Variants in LEKR1 observed in about 807,000 individuals in gnomAD.
LEKR1 encodes leucine, glutamate and lysine rich 1.
A neutral mutation model predicts 72.4 loss-of-function variants in LEKR1; 59 were observed. That is an observed-to-expected ratio of 0.82 (90% CI 0.66 to 1.01). The LOEUF (loss-of-function observed/expected upper bound fraction) is 1.01, where lower values mean the gene tolerates loss of function less well. Ranked by LOEUF, LEKR1 falls within the 50% of genes least tolerant of loss-of-function variation. The pLI is 0.00. For missense variants in LEKR1, 728 were observed against 759.2 expected, an observed-to-expected ratio of 0.96 and a Z score of 0.48; for synonymous variants, 257 against 263.2, an observed-to-expected ratio of 0.98 and a Z score of 0.23.
At chr3:156,930,036 GGTT>G (rs1725063253) in intron 5 of LEKR1, among the ~76,000 whole-genome samples, 1 of 152,108 alleles carries the variant, frequency 6.6e-6, no homozygotes, top group Non-Finnish European at 1.5e-5. Flanking sequence ...AGTGAAGTGT[GGTT>G]TGGCAGAACA....
intron 2 of LEKR1, 94 bp from the exon 3 acceptor site, chr3:156,852,674 T>A: frequency 1.6e-6 from 1 of 628,822 alleles, no homozygotes; most frequent in Non-Finnish European, 2.7e-6. Context: ...TACTATGTAT[T>A]TACTTCATTC....
chr3:156,992,694 A>T lies in LEKR1; in HGVS notation c.869A>T (p.Lys290Ile). The T allele has an allele frequency of 9.6e-7, 1 of 1,042,236 alleles. No homozygotes were observed. Among genetic ancestry groups the T allele is most frequent in the Non-Finnish European group, 1.2e-6 (1 of 827,074 alleles). 64.6% of individuals were successfully genotyped at this position (1,042,236 alleles called of 1,614,324 possible). A position where few individuals can be genotyped will look rare whatever the true frequency, so the allele number is the denominator to read the frequency against. Residue 290 changes from lysine to isoleucine, a missense_variant, in exon 8 of 13, where the codon AAA (lysine) becomes ATA (isoleucine). Physicochemically the swap from Lys to Ile is moderately radical, Grantham distance 102. Coordinates refer to ENST00000356539, the MANE Select transcript of LEKR1 (RefSeq NM_001004316.3). ...NEADDCQREL[K>I]KLKFESIISE... is the part of the protein sequence containing the mutation. The stretch of plus-strand genomic sequence containing the variant: ...GCTGATGACTGTCAAAGAGAACTTA[A>T]AAAACTGAAGTTTGAATCCATTATT...
At chr3:156,899,369 T>C (rs535143758) in intron 3 of LEKR1, among the ~76,000 whole-genome samples, 1 of 125,604 alleles carries the variant, frequency 8.0e-6, no homozygotes, top group Non-Finnish European at 1.6e-5. Context: ...TATACATATA[T>C]ACATATATAC....
Position 157,002,793 on chromosome 3 carries a change from C to T in LEKR1, c.1110-8620C>T, listed in dbSNP as rs182847130. Among the ~76,000 whole-genome samples the T allele has an allele frequency of 1.6e-4, 24 of 152,258 alleles. No individual in the cohort carries two copies. In the South Asian group the frequency reaches 3.9e-3, roughly 25 times the overall value. On this transcript the variant is annotated intron_variant, in intron 9 of 12. Coordinates refer to ENST00000356539, the MANE Select transcript of LEKR1 (RefSeq NM_001004316.3). ...AGAACTTCATAATTCCTTGAAAATT[C>T]AGTGAATAATTATCACTTCATTAAC... is the stretch of plus-strand genomic sequence containing the variant.
rs114207482 is a variant in LEKR1, at chr3:157,042,144, G to C, written c.1669-3196G>C. 4.3e-3 allele frequency among the ~76,000 whole-genome samples: 648 copies of C among 151,422 alleles called. 2 individuals are homozygous for C. Among genetic ancestry groups the C allele is most frequent in the African/African-American group, 0.015 (623 of 40,780 alleles). On this transcript the variant is annotated intron_variant, in intron 12 of 12. Transcript: ENST00000356539. ...AGGTAATGGTGGCAGATGATATGAA[G>C]ATATTGTGAGGTTCACCTAACATTT...
intron 1 of LEKR1, among the ~76,000 whole-genome samples, chr3:156,827,368 C>T (rs1471880654): frequency 6.6e-6 from 1 of 152,094 alleles, no homozygotes; most frequent in East Asian, 1.9e-4. Flanking sequence ...TTGTAAACAC[C>T]TGTTTCGTTA....
At chr3:156,849,022 C>G (rs1452348807) in intron 2 of LEKR1, among the ~76,000 whole-genome samples, 1 of 150,374 alleles carries the variant, frequency 6.7e-6, no homozygotes, top group Non-Finnish European at 1.5e-5. Flanking sequence ...TGTCTCAGCC[C>G]AAAATCTCCT....
At chr3:156,988,464 C>A in intron 7 of LEKR1, 1 of 196,902 alleles carries the variant, frequency 5.1e-6, no homozygotes. Context: ...CCAGCTTCTC[C>A]CTTACCCACG....
At chr3:156,846,598 A>G (rs750588430) in intron 2 of LEKR1, among the ~76,000 whole-genome samples, 75 of 152,278 alleles carry the variant, frequency 4.9e-4, no homozygotes, top group Admixed American at 9.2e-4. Flanking sequence ...ATATTGCCCT[A>G]TCTCAAAAAC....
rs1320357970 is a variant in LEKR1, at chr3:156,826,362, C to T, written c.-59C>T. ...CCGGGAAAGCCGTTTCACACCCGTC[C>T]TAGTCGAAGTCGAGGTGAGGGACGA... On this transcript the variant is annotated 5_prime_UTR_variant, in exon 1 of 13. Transcript: ENST00000356539. The T allele has an allele frequency of 6.5e-6, 1 of 152,824 alleles. No individual in the cohort carries two copies. The highest frequency in any genetic ancestry group is 1.5e-5 in the Non-Finnish European group (1 of 68,160). 9.5% of individuals were successfully genotyped at this position (152,824 alleles called of 1,614,324 possible). A position where few individuals can be genotyped will look rare whatever the true frequency, so the allele number is the denominator to read the frequency against.
At chr3:156,866,641 G>A (rs1172628759) in intron 3 of LEKR1, among the ~76,000 whole-genome samples, 1 of 151,936 alleles carries the variant, frequency 6.6e-6, no homozygotes, top group Non-Finnish European at 1.5e-5. Flanking sequence ...TGCATGTAGT[G>A]CTTACATAAC....
rs1734352837 is a variant in LEKR1 at position 157,028,301 on chromosome 3, G to C, written c.1567G>C (p.Glu523Gln). 6.2e-7 allele frequency: 1 copy of C among 1,613,412 alleles called. No individual in the cohort carries two copies. The highest frequency in any genetic ancestry group is 1.3e-5 in the African/African-American group (1 of 74,918). The part of the protein sequence containing the change: ...KEIDSNDSVS[E>Q]NLRKEMEQKS... ...AATTGACAGTAATGATTCAGTTTCA[G>C]AAAACTTGAGGAAGGAAATGGAACA... Residue 523 changes from glutamate (E) to glutamine (Q), a missense_variant, in exon 12 of 13, where the codon GAA (glutamate) becomes CAA (glutamine). By Grantham distance (29) the Glu-to-Gln change is conservative. Transcript: ENST00000356539.
At chr3:157,041,010 T>G (rs1370311046) in intron 12 of LEKR1, among the ~76,000 whole-genome samples, 1 of 152,192 alleles carries the variant, frequency 6.6e-6, no homozygotes, top group East Asian at 1.9e-4. Flanking sequence ...ACTCTTATAT[T>G]GCAAGGAGTA....
chr3:156,919,833 C>T (rs998752388), intron 3 of LEKR1, among the ~76,000 whole-genome samples: 3 of 152,062 alleles, frequency 2.0e-5, no homozygotes, highest in Non-Finnish European at 4.4e-5. Flanking sequence ...CATCTTTTTC[C>T]TCATGTAAAT....
At chr3:156,865,602 TCC>T (rs1382113755) in intron 3 of LEKR1, among the ~76,000 whole-genome samples, 1 of 42,742 alleles carries the variant, frequency 2.3e-5, no homozygotes, top group East Asian at 4.9e-4. Flanking sequence ...CTCTATCATC[TCC>T]CTCTATCATT....
intron 12 of LEKR1, among the ~76,000 whole-genome samples, chr3:157,038,413 T>C (rs1010075736): frequency 6.6e-6 from 1 of 152,196 alleles, no homozygotes; most frequent in Non-Finnish European, 1.5e-5. Flanking sequence ...CAAGTGGAGA[T>C]GTTGACTAGG....
intron 6 of LEKR1, among the ~76,000 whole-genome samples, chr3:156,952,460 A>C (rs749188864): frequency 1.3e-5 from 2 of 151,468 alleles, no homozygotes; most frequent in Non-Finnish European, 3.0e-5. Context: ...TTTTTCCTTC[A>C]AAAACGCTGT....
At chr3:157,007,460 C>T (rs961541817) in intron 9 of LEKR1, among the ~76,000 whole-genome samples, 1 of 152,238 alleles carries the variant, frequency 6.6e-6, no homozygotes, top group African/African-American at 2.4e-5. Flanking sequence ...ATGTTCCCCT[C>T]CTTTAGCGTA....
rs575299594 is a variant in LEKR1 at position 156,950,144 on chromosome 3, T to G, written c.745+7430T>G. On this transcript the variant is annotated intron_variant, in intron 6 of 12. Coordinates refer to ENST00000356539, the MANE Select transcript of LEKR1 (RefSeq NM_001004316.3). ...ACCCAAGATTTCAAAGCTGTTGGCA[T>G]GAGGTTGTTCAGAGCATTATTTTCT... Among the ~76,000 whole-genome samples, 6 of 151,434 alleles carry G rather than the reference T, an allele frequency of 4.0e-5. No individual in the cohort carries two copies. The East Asian group carries it at 1.2e-3, about 29-fold the overall frequency.
Sources: allele counts gnomAD v4.1 joint callset (sites outside exome capture counted in the v4.1 genomes callset), GRCh38; gene constraint gnomAD v4.1.1; transcripts MANE v1.5; gene names NCBI Gene and HGNC (gene_info 2026-07-23, HGNC 2026-07-21).